LIPH: variants seen among roughly 807,000 people sequenced by gnomAD.
LIPH encodes the protein lipase member H.
LIPH carries 32 observed loss-of-function variants against 47.6 expected under a neutral mutation model. The observed-to-expected ratio is 0.67, with a 90% confidence interval of 0.51 to 0.90. LIPH has a LOEUF of 0.90. LIPH is among the 40% of genes least tolerant of loss of function. The pLI, the probability that LIPH is intolerant of heterozygous loss-of-function variation, is 0.00. For missense variants in LIPH, 497 were observed against 541.4 expected, an observed-to-expected ratio of 0.92 and a Z score of 0.81; for synonymous variants, 190 against 195.6, an observed-to-expected ratio of 0.97 and a Z score of 0.24.
At chr3:185,545,529 C>T (rs975508502) in intron 1 of LIPH, among the ~76,000 whole-genome samples, 2 of 152,298 alleles carry the variant, frequency 1.3e-5, no homozygotes, top group South Asian at 4.1e-4. Flanking sequence ...GCCCATAAAG[C>T]TGAAAATATT....
At chr3:185,538,612 A>AT (rs1182131576) in intron 1 of LIPH, among the ~76,000 whole-genome samples, 3 of 100,626 alleles carry the variant, frequency 3.0e-5, no homozygotes, top group South Asian at 3.5e-4. Flanking sequence ...ATTTTTGTAG[A>AT]TTTTTTCTTT....
chr3:185,544,926 G>C (rs189597564), intron 1 of LIPH, among the ~76,000 whole-genome samples: 1 of 143,156 alleles, frequency 7.0e-6, no homozygotes, highest in Non-Finnish European at 1.5e-5. Context: ...CACCACACCC[G>C]GCCTCATTCT....
At chr3:185,524,867 T>C (rs1333426536) in intron 4 of LIPH, among the ~76,000 whole-genome samples, 1 of 152,126 alleles carries the variant, frequency 6.6e-6, no homozygotes, top group Non-Finnish European at 1.5e-5. Context: ...ACTTAGTAGA[T>C]AAAATCTTTA....
intron 9 of LIPH, among the ~76,000 whole-genome samples, chr3:185,509,271 T>A (rs1261204174): frequency 6.7e-6 from 1 of 148,694 alleles, no homozygotes; most frequent in African/African-American, 2.5e-5. Flanking sequence ...GGTGACAGAA[T>A]GAGACTCTGT....
In LIPH at chr3:185,522,519, G is replaced by A. The variant is rs1333691814; in HGVS notation, c.718+1552C>T. On this transcript the variant is annotated intron_variant, in intron 5 of 9. Transcript: ENST00000296252. ...GAAAAGGAAGGAAGGAGGGAAGGAAGGAAGGGAAAGGAAGGAAGGAAGAGA... is the reference window on the plus strand; with the variant it reads ...GAAAAGGAAGGAAGGAGGGAAGGAAAGAAGGGAAAGGAAGGAAGGAAGAGA... Among the ~76,000 whole-genome samples, 6 of 148,198 alleles carry A rather than the reference G, an allele frequency of 4.0e-5. No individual in the cohort carries two copies. In the East Asian group the frequency reaches 1.2e-3, roughly 29 times the overall value.
chr3:185,519,330 T>TG, intron 5 of LIPH, 21 bp from the exon 6 acceptor site: 1 of 1,577,442 alleles, frequency 6.3e-7, no homozygotes, highest in Non-Finnish European at 8.7e-7. Context: ...AAAGAAGTGA[T>TG]GAAAGAGTAG....
chr3:185,533,552 C>T lies in LIPH; in HGVS notation c.526+19G>A. The T allele has an allele frequency of 6.6e-7, 1 of 1,525,582 alleles. No individual in the cohort carries two copies. Among genetic ancestry groups the T allele is most frequent in the Non-Finnish European group, 9.1e-7 (1 of 1,098,994 alleles). 94.5% of individuals were successfully genotyped at this position (1,525,582 alleles called of 1,614,324 possible). On this transcript the variant is annotated intron_variant, in intron 3 of 9. Transcript: ENST00000296252. ...ACCCTGCCCAGGCTACCAACCCATG[C>T]CCATTCACAGGCACTTACCTGTAAT...
At chr3:185,541,328 T>C (rs952015439) in intron 1 of LIPH, among the ~76,000 whole-genome samples, 3 of 152,030 alleles carry the variant, frequency 2.0e-5, no homozygotes, top group Non-Finnish European at 4.4e-5. Context: ...CATACACCCC[T>C]GGAAGCATGC....
chr3:185,528,340 A>AAGAAAGAAAGAAAGAT (rs1488586658), intron 3 of LIPH, among the ~76,000 whole-genome samples: 4 of 151,474 alleles, frequency 2.6e-5, no homozygotes, highest in African/African-American at 9.7e-5. Context: ...GAAAGAAAGA[A>AAGAAAGAAAGAAAGAT]AGAAAGAAAG....
At chr3:185,542,310 C>CTTTTCCT (rs1553825885) in intron 1 of LIPH, among the ~76,000 whole-genome samples, 1 of 151,622 alleles carries the variant, frequency 6.6e-6, no homozygotes, top group African/African-American at 2.4e-5. Flanking sequence ...GCTTCCTGTG[C>CTTTTCCT]TTTTTCTTTT....
chr3:185,543,846 C>CTTTTTTT (rs57080060), intron 1 of LIPH, among the ~76,000 whole-genome samples: 1 of 108,706 alleles, frequency 9.2e-6, no homozygotes, highest in Non-Finnish European at 1.9e-5. Flanking sequence ...CTGGCTCTTG[C>CTTTTTTT]TTTTTTTTTT....
chr3:185,518,778 G>A (rs1719809811), intron 6 of LIPH, among the ~76,000 whole-genome samples: 2 of 151,924 alleles, frequency 1.3e-5, no homozygotes, highest in African/African-American at 2.4e-5. Context: ...CTGGAGTGCA[G>A]TGGCATGATC....
chr3:185,550,501 C>G (rs1203322340), intron 1 of LIPH, among the ~76,000 whole-genome samples: 2 of 152,104 alleles, frequency 1.3e-5, no homozygotes, highest in African/African-American at 4.8e-5. Flanking sequence ...GAAGAAGGTA[C>G]CCACAAGCCA....
intron 4 of LIPH, among the ~76,000 whole-genome samples, chr3:185,524,955 G>A (rs960927495): frequency 1.1e-4 from 17 of 152,110 alleles, no homozygotes; most frequent in African/African-American, 2.9e-4. Context: ...TATATAGGTC[G>A]GGTGCAGTGG....
At position 185,508,598 on chromosome 3, in the gene LIPH, G is replaced by T; in HGVS notation, c.*192C>A. On this transcript the variant is annotated 3_prime_UTR_variant, in exon 10 of 10. Transcript: ENST00000296252. ...TATTTCTGACTTGCCCTAGTTAGGG[G>T]CTCCTTCCCAGGATCGTTTTATAAT... The T allele has an allele frequency of 1.7e-6, 1 of 601,558 alleles. No individual in the cohort carries two copies. The highest frequency in any genetic ancestry group is 3.0e-6 in the Non-Finnish European group (1 of 336,516). The allele number at this position is 601,558 out of a possible 1,614,324, so 37.3% of individuals were successfully genotyped here.
In LIPH at chr3:185,527,337, C is replaced by A; in HGVS notation, c.628+147G>T. 3 of 722,000 alleles carry A rather than the reference C, an allele frequency of 4.2e-6. No homozygotes were observed. The South Asian group carries it at 4.5e-5, about 11-fold the overall frequency. 44.7% of individuals were successfully genotyped at this position (722,000 alleles called of 1,614,324 possible). A position where few individuals can be genotyped will look rare whatever the true frequency, so the allele number is the denominator to read the frequency against. ...TGCCTACATTAAACCAGCTTCCCTT[C>A]AATATTTCGGTGGATTTGGAACCCT... On this transcript the variant is annotated intron_variant, in intron 4 of 9. Coordinates refer to ENST00000296252, the MANE Select transcript of LIPH (RefSeq NM_139248.3).
At chr3:185,528,822 A>G (rs1720209704) in intron 3 of LIPH, among the ~76,000 whole-genome samples, 1 of 152,174 alleles carries the variant, frequency 6.6e-6, no homozygotes, top group Non-Finnish European at 1.5e-5. Flanking sequence ...CTGGAAAAAC[A>G]GGAGAGAAGC....
intron 8 of LIPH, 79 bp from the exon 9 acceptor site, chr3:185,511,776 G>T: frequency 1.0e-6 from 1 of 965,564 alleles, no homozygotes; most frequent in South Asian, 1.3e-5. Flanking sequence ...GCAAGTCACT[G>T]GTAAGCTGGT....
Position 185,548,745 on chromosome 3 carries a change from AAAAAC to A in LIPH, c.49+3673_49+3677del, listed in dbSNP as rs199898458. On this transcript the variant is annotated intron_variant, in intron 1 of 9. Transcript: ENST00000296252. ...CTCCATCTCAGAAACAAAACAAAAC[AAAAAC>A]AAAACAAAACAAAACAAAACAAAAC... Among the ~76,000 whole-genome samples the A allele has an allele frequency of 5.8e-3, 878 of 151,494 alleles. 10 individuals carry two copies. The highest frequency in any genetic ancestry group is 0.023 in the East Asian group (116 of 5,150).
Sources: gnomAD v4.1 joint callset for allele counts (sites outside exome capture counted in the v4.1 genomes callset) on GRCh38, gnomAD v4.1.1 for gene constraint, MANE v1.5 for transcripts, NCBI Gene and HGNC (gene_info 2026-07-23, HGNC 2026-07-21) for gene names.